ARHGAP26: variants seen among roughly 807,000 people sequenced by gnomAD.
ARHGAP26 encodes rho GTPase-activating protein 26.
In ARHGAP26, 38 loss-of-function variants were observed where a neutral mutation model predicts 104.8. The ratio of observed to expected loss-of-function variants is 0.36; its 90% CI spans 0.28 to 0.48. The LOEUF (loss-of-function observed/expected upper bound fraction) is 0.48. Ranked by LOEUF, ARHGAP26 falls within the 20% of genes least tolerant of loss-of-function variation. The probability of loss-of-function intolerance (pLI) is 0.99; values close to 1 mark genes in which losing one functional copy is unlikely to be tolerated. For synonymous variants in ARHGAP26, 341 were observed against 340.0 expected (o/e 1.00, Z -0.03); for missense variants, 704 against 947.9 (o/e 0.74, Z 3.38).
chr5:143,124,753 A>T (rs960613522), intron 18 of ARHGAP26, among the ~76,000 whole-genome samples: 1 of 152,102 alleles, frequency 6.6e-6, no homozygotes, highest in Admixed American at 6.5e-5. Context: ...AGGCAGGGGG[A>T]GCTAGATGCC....
At chr5:143,116,306 G>C (rs1443489470) in intron 17 of ARHGAP26, among the ~76,000 whole-genome samples, 5 of 152,162 alleles carry the variant, frequency 3.3e-5, no homozygotes, top group Non-Finnish European at 5.9e-5. Flanking sequence ...AAGGGATGGT[G>C]GATAAGTGGG....
intron 18 of ARHGAP26, among the ~76,000 whole-genome samples, chr5:143,131,862 G>A (rs1022637921): frequency 3.0e-5 from 4 of 133,438 alleles, no homozygotes; most frequent in Middle Eastern, 3.6e-3. Context: ...TTGTCACCAG[G>A]GGATGGCCAA....
At chr5:142,779,081 G>C (rs944756519) in intron 1 of ARHGAP26, among the ~76,000 whole-genome samples, 4 of 152,168 alleles carry the variant, frequency 2.6e-5, no homozygotes, top group African/African-American at 9.7e-5. Flanking sequence ...GATGGGAGAT[G>C]GGATGGGGCT....
intron 18 of ARHGAP26, among the ~76,000 whole-genome samples, chr5:143,126,111 C>G (rs1426361269): frequency 6.6e-6 from 1 of 152,146 alleles, no homozygotes; most frequent in Non-Finnish European, 1.5e-5. Flanking sequence ...TAAATGACCT[C>G]CAGTAAGATG....
chr5:142,788,483 A>T (rs1250582975), intron 1 of ARHGAP26, among the ~76,000 whole-genome samples: 1 of 152,234 alleles, frequency 6.6e-6, no homozygotes, highest in Non-Finnish European at 1.5e-5. Context: ...AACCATACTA[A>T]TAGTACAGTT....
At chr5:143,075,686 T>C (rs959818586) in intron 17 of ARHGAP26, among the ~76,000 whole-genome samples, 11 of 152,196 alleles carry the variant, frequency 7.2e-5, no homozygotes, top group Non-Finnish European at 1.2e-4. Flanking sequence ...AAAATTGTTA[T>C]TAACTTTTTA....
chr5:143,022,001 C>A (rs556564214), intron 12 of ARHGAP26, among the ~76,000 whole-genome samples: 1 of 152,272 alleles, frequency 6.6e-6, no homozygotes, highest in Admixed American at 6.5e-5. Context: ...TTTAAATTAC[C>A]ATCTAGACTT....
At chr5:143,093,991 C>A (rs536008481) in intron 17 of ARHGAP26, among the ~76,000 whole-genome samples, 2 of 152,174 alleles carry the variant, frequency 1.3e-5, no homozygotes, top group Non-Finnish European at 2.9e-5. Flanking sequence ...TCAACGCCCC[C>A]CCATGGGGAT....
chr5:143,100,113 G>A (rs899046191), intron 17 of ARHGAP26, among the ~76,000 whole-genome samples: 10 of 152,206 alleles, frequency 6.6e-5, no homozygotes, highest in African/African-American at 2.4e-4. Context: ...ATATGGCTAT[G>A]GGAGCTCCAG....
At chr5:143,141,612 G>A (rs143451054) in intron 19 of ARHGAP26, among the ~76,000 whole-genome samples, 8 of 152,262 alleles carry the variant, frequency 5.3e-5, no homozygotes, top group Non-Finnish European at 1.0e-4. Context: ...GTGAGTCATG[G>A]TATAAAAGTA....
chr5:142,855,326 T>C (rs750504895), intron 1 of ARHGAP26, among the ~76,000 whole-genome samples: 10 of 152,178 alleles, frequency 6.6e-5, no homozygotes, highest in Admixed American at 2.6e-4. Flanking sequence ...CATTTAGGGT[T>C]ATTGTTTTTT....
intron 19 of ARHGAP26, among the ~76,000 whole-genome samples, chr5:143,139,466 A>T (rs933569385): frequency 6.6e-6 from 1 of 152,210 alleles, no homozygotes; most frequent in African/African-American, 2.4e-5. Flanking sequence ...CTTGAGCTAC[A>T]GAAGTGAAAA....
intron 1 of ARHGAP26, among the ~76,000 whole-genome samples, chr5:142,831,735 A>C (rs1768480981): frequency 6.6e-6 from 1 of 151,702 alleles, no homozygotes; most frequent in Admixed American, 6.6e-5. Context: ...CCCTTCTCTT[A>C]CCACCTCCTC....
intron 17 of ARHGAP26, among the ~76,000 whole-genome samples, chr5:143,086,191 A>C (rs2150485853): frequency 6.6e-6 from 1 of 152,330 alleles, no homozygotes; most frequent in Middle Eastern, 3.4e-3. Flanking sequence ...TATCTGGAAA[A>C]AGAATTATTC....
At chr5:142,834,703 G>A (rs1769205083) in intron 1 of ARHGAP26, among the ~76,000 whole-genome samples, 1 of 152,136 alleles carries the variant, frequency 6.6e-6, no homozygotes, top group African/African-American at 2.4e-5. Context: ...TGGAAGCTCC[G>A]GGCCTCTTGA....
intron 17 of ARHGAP26, among the ~76,000 whole-genome samples, chr5:143,081,149 A>C (rs2150440356): frequency 6.6e-6 from 1 of 152,270 alleles, no homozygotes; most frequent in East Asian, 1.9e-4. Flanking sequence ...GAGAGCTCTC[A>C]GCATACAGAT....
chr5:142,853,335 C>A (rs1751854046), intron 1 of ARHGAP26, among the ~76,000 whole-genome samples: 1 of 152,148 alleles, frequency 6.6e-6, no homozygotes, highest in Non-Finnish European at 1.5e-5. Context: ...GGACTGCAGG[C>A]ATGTGTCACC....
chr5:143,047,143 G>C (rs920626329), intron 14 of ARHGAP26, among the ~76,000 whole-genome samples: 20 of 152,118 alleles, frequency 1.3e-4, no homozygotes, highest in Non-Finnish European at 2.5e-4. Context: ...TTGGATACAT[G>C]GGCTAATTGC....
intron 10 of ARHGAP26, among the ~76,000 whole-genome samples, chr5:142,914,198 C>T (rs551268248): frequency 2.0e-5 from 3 of 152,348 alleles, no homozygotes; most frequent in African/African-American, 7.2e-5. Context: ...CCTGGGGTTG[C>T]ACTGCCTTCT....
Sources: gnomAD v4.1 joint callset for allele counts (sites outside exome capture counted in the v4.1 genomes callset) on GRCh38, gnomAD v4.1.1 for gene constraint, MANE v1.5 for transcripts, NCBI Gene and HGNC (gene_info 2026-07-23, HGNC 2026-07-21) for gene names.